AARSD1: variants seen among roughly 807,000 people sequenced by gnomAD.
The protein encoded by AARSD1 is alanyl-tRNA editing protein Aarsd1.
AARSD1 carries 44 observed loss-of-function variants against 48.7 expected under a neutral mutation model. The observed-to-expected ratio is 0.90, with a 90% CI of 0.71 to 1.16. The LOEUF (loss-of-function observed/expected upper bound fraction) is 1.16. AARSD1 is among the 50% of genes most tolerant of loss of function. AARSD1 has a pLI of 0.00. For synonymous variants in AARSD1, 189 were observed against 194.9 expected, an observed-to-expected ratio of 0.97 and a Z score of 0.25; for missense variants, 511 against 523.1, an observed-to-expected ratio of 0.98 and a Z score of 0.23.
chr17:42,959,648 G>C (rs562507264), intron 3 of AARSD1, among the ~76,000 whole-genome samples: 2 of 151,126 alleles, frequency 1.3e-5, no homozygotes, highest in South Asian at 4.2e-4. Context: ...GTGAGCCACA[G>C]TGCCCAGCCA....
At chr17:42,962,878 C>T (rs1391549643) in intron 2 of AARSD1, among the ~76,000 whole-genome samples, 1 of 152,056 alleles carries the variant, frequency 6.6e-6, no homozygotes, top group Non-Finnish European at 1.5e-5. Context: ...AAAAAAGCAG[C>T]CAAGCATGTT....
At chr17:42,959,844 A>G (rs1000007514) in intron 3 of AARSD1, among the ~76,000 whole-genome samples, 11 of 150,536 alleles carry the variant, frequency 7.3e-5, no homozygotes, top group African/African-American at 2.2e-4. Context: ...TTGTATTTTT[A>G]GTAGAGACAG....
chr17:42,958,930 G>A (rs1358153578), intron 3 of AARSD1, among the ~76,000 whole-genome samples: 2 of 150,784 alleles, frequency 1.3e-5, no homozygotes, highest in Non-Finnish European at 3.0e-5. Flanking sequence ...CAGGTGCGGT[G>A]GCTCAAGCCT....
intron 2 of AARSD1, among the ~76,000 whole-genome samples, 184 bp downstream of exon 2, chr17:42,963,919 GAAT>G (rs2049673902): frequency 6.6e-6 from 1 of 152,088 alleles, no homozygotes; most frequent in Non-Finnish European, 1.5e-5. Context: ...TTACAGCCTG[GAAT>G]AATATCTAGC....
intron 9 of AARSD1, 55 bp downstream of exon 9, chr17:42,954,821 G>A: frequency 2.5e-6 from 4 of 1,586,632 alleles, no homozygotes; most frequent in Non-Finnish European, 3.5e-6. Context: ...AGAAGACACT[G>A]AGCCCTAAGC....
rs751629403 is a variant in AARSD1 at position 42,954,900 on chromosome 17, C to A, written c.929G>T (p.Trp310Leu). The stretch of plus-strand genomic sequence containing the variant: ...CCTGTGTAATATGACCACACCTCCC[C>A]AGTCTGGACTGTTCCTGAGGCTATG... ...IAHSLRNSPD[W>L]GGVVILHRKE... is the part of the protein sequence containing the mutation. The change falls in exon 9 of 12, where the codon TGG (tryptophan) becomes TTG (leucine). Residue 310 changes from tryptophan to leucine, a missense_variant. By Grantham distance (61) the Trp-to-Leu change is moderately conservative. Transcript: ENST00000427569. 46 of 1,614,040 alleles carry A rather than the reference C, an allele frequency of 2.8e-5. No homozygotes were observed. The East Asian group carries it at 9.6e-4, about 34-fold the overall frequency.
At chr17:42,961,899 A>G (rs1273363560) in intron 2 of AARSD1, among the ~76,000 whole-genome samples, 1 of 151,974 alleles carries the variant, frequency 6.6e-6, no homozygotes, top group African/African-American at 2.4e-5. Flanking sequence ...GCTACTTGGG[A>G]GGCTGAGGTG....
rs2049468433 is a variant in AARSD1, at chr17:42,950,725, C to T, written c.1107G>A (p.Val369=). Reference sequence around the variant, plus strand: ...CTCCTTTGCCTTCCAGGACCTCAGCCACCCTGGGGAACAGAGGTATAGTCA... The same window carrying T: ...CTCCTTTGCCTTCCAGGACCTCAGCTACCCTGGGGAACAGAGGTATAGTCA... The part of the protein sequence containing the change: ...PASVETLGPR[V]AEVLEGKGAG... The change falls in exon 12 of 12, where the codon GTG becomes GTA. Residue 369 remains valine (V), a synonymous_variant. Coordinates refer to ENST00000427569, the MANE Select transcript of AARSD1 (RefSeq NM_001261434.2). The T allele has an allele frequency of 3.0e-5, 48 of 1,612,998 alleles. No homozygotes were observed. Among genetic ancestry groups the T allele is most frequent in the Non-Finnish European group, 3.7e-5 (44 of 1,179,844 alleles).
chr17:42,955,231 G>C lies in AARSD1; in HGVS notation c.795-7C>G. ...ATGATCCTCTGCTCCACACCTGAAA[G>C]AGAAAGGTCAGAGGAGACCTGCGCA... On this transcript the variant is annotated splice_region_variant and splice_polypyrimidine_tract_variant and intron_variant, in intron 7 of 11. Transcript: ENST00000427569. The C allele has an allele frequency of 6.2e-7, 1 of 1,613,622 alleles. No individual in the cohort carries two copies. Among genetic ancestry groups the C allele is most frequent in the Non-Finnish European group, 8.5e-7 (1 of 1,179,974 alleles).
chr17:42,959,303 C>G (rs1020123240), intron 3 of AARSD1, among the ~76,000 whole-genome samples: 4 of 151,322 alleles, frequency 2.6e-5, no homozygotes, highest in Non-Finnish European at 5.9e-5. Flanking sequence ...ACTGCCACCT[C>G]TGGCTCCTGG....
Position 42,954,884 on chromosome 17 carries a change from T to C in AARSD1, c.945A>G (p.Ile315Met). Reference sequence around the variant, plus strand: ...AGCTCCTAATTTCTCACCTGTGTAATATGACCACACCTCCCCAGTCTGGAC... The same window carrying C: ...AGCTCCTAATTTCTCACCTGTGTAACATGACCACACCTCCCCAGTCTGGAC... ...RNSPDWGGVV[I>M]LHRKEGDSEF... The change falls in exon 9 of 12, where the codon ATA becomes ATG. Residue 315 changes from isoleucine to methionine, a missense_variant. Ile to Met is a conservative substitution (Grantham distance 10). Transcript: ENST00000427569. 2 of 1,614,046 alleles carry C rather than the reference T, an allele frequency of 1.2e-6. No individual in the cohort carries two copies. Among genetic ancestry groups the C allele is most frequent in the African/African-American group, 2.7e-5 (2 of 75,036 alleles).
rs185068779 is a variant in AARSD1 at position 42,953,400 on chromosome 17, G to A, written c.1008+324C>T. Among the ~76,000 whole-genome samples the A allele has an allele frequency of 6.6e-5, 10 of 152,182 alleles. No homozygotes were observed. In the East Asian group the frequency reaches 1.7e-3, roughly 26 times the overall value. ...GCTGGGATTACATGCGTGAGCCACCGCGACCAGCCCACTGATATATTTCTA... is the reference window on the plus strand; with the variant it reads ...GCTGGGATTACATGCGTGAGCCACCACGACCAGCCCACTGATATATTTCTA... On this transcript the variant is annotated intron_variant, in intron 10 of 11. Coordinates refer to ENST00000427569, the MANE Select transcript of AARSD1 (RefSeq NM_001261434.2).
intron 7 of AARSD1, chr17:42,955,632 G>T: frequency 1.5e-6 from 1 of 687,710 alleles, no homozygotes; most frequent in Non-Finnish European, 2.2e-6. Context: ...TAGTAGAGAC[G>T]GGGTTTCACG....
At chr17:42,954,036 T>C in intron 9 of AARSD1, 1 of 502,374 alleles carries the variant, frequency 2.0e-6, no homozygotes. Context: ...TGTTAGAGAG[T>C]AAAGGAGGTA....
chr17:42,955,539 C>G, intron 7 of AARSD1: 1 of 436,402 alleles, frequency 2.3e-6, no homozygotes, highest in Non-Finnish European at 4.1e-6. Flanking sequence ...CCCGGGTTCA[C>G]GCCATTCTCC....
intron 11 of AARSD1, among the ~76,000 whole-genome samples, chr17:42,951,346 G>A (rs2151939165): frequency 6.6e-6 from 1 of 152,230 alleles, no homozygotes; most frequent in East Asian, 1.9e-4. Flanking sequence ...GAGGTCAGGA[G>A]TTCGAGACCA....
chr17:42,956,219 A>T lies in AARSD1; in HGVS notation c.648T>A (p.Asn216Lys), dbSNP rs1432361057. 6.2e-7 allele frequency: 1 copy of T among 1,613,918 alleles called. No individual in the cohort carries two copies. The highest frequency in any genetic ancestry group is 8.5e-7 in the Non-Finnish European group (1 of 1,180,034). Reference sequence around the variant, plus strand: ...CCTCACTTACCTGAAGGTCACTGAGATTGCTCACATGGGTCCCACAGCACA... The same window carrying T: ...CCTCACTTACCTGAAGGTCACTGAGTTTGCTCACATGGGTCCCACAGCACA... ...SNMCCGTHVS[N>K]LSDLQVIKIL... The change falls in exon 6 of 12, where the codon AAT becomes AAA. Residue 216 changes from asparagine (N) to lysine (K), a missense_variant. Coordinates refer to ENST00000427569, the MANE Select transcript of AARSD1 (RefSeq NM_001261434.2).
At chr17:42,961,466 G>T (rs2049637266) in intron 2 of AARSD1, 115 bp from the exon 3 acceptor site, 2 of 1,453,700 alleles carry the variant, frequency 1.4e-6, no homozygotes, top group Non-Finnish European at 1.8e-6. Context: ...GGGAGAGGGA[G>T]AAAGCAATGC....
At chr17:42,962,893 G>A (rs373860147) in intron 2 of AARSD1, among the ~76,000 whole-genome samples, 1 of 152,240 alleles carries the variant, frequency 6.6e-6, no homozygotes, top group East Asian at 1.9e-4. Flanking sequence ...CATGTTGGTT[G>A]TGCGCCTGTA....
Sources: allele counts gnomAD v4.1 joint callset (sites outside exome capture counted in the v4.1 genomes callset), GRCh38; gene constraint gnomAD v4.1.1; transcripts MANE v1.5; gene names NCBI Gene and HGNC (gene_info 2026-07-23, HGNC 2026-07-21).